Variants in MED12L observed in about 807,000 individuals in gnomAD.
The protein encoded by MED12L is mediator complex subunit 12L, also known as mediator of RNA polymerase II transcription subunit 12-like protein.
A neutral mutation model predicts 281.3 loss-of-function variants in MED12L; 60 were observed. The ratio of observed to expected loss-of-function variants is 0.21; its 90% CI spans 0.17 to 0.26. The LOEUF (loss-of-function observed/expected upper bound fraction) is 0.26, where lower values mean the gene tolerates loss of function less well. Among genes scored for constraint, MED12L ranks in the 10% least tolerant of loss-of-function variants. The probability of loss-of-function intolerance (pLI) is 1.00; values close to 1 mark genes in which losing one functional copy is unlikely to be tolerated. For synonymous variants in MED12L, 974 were observed against 987.2 expected, an observed-to-expected ratio of 0.99 and a Z score of 0.25; for missense variants, 2,146 against 2,680.9, an observed-to-expected ratio of 0.80 and a Z score of 4.41.
chr3:151,165,023 T>C (rs1720515144), intron 9 of MED12L, among the ~76,000 whole-genome samples: 1 of 56,264 alleles, frequency 1.8e-5, no homozygotes, highest in Non-Finnish European at 3.6e-5. Context: ...TAAAATCATA[T>C]TCATCCATTA....
intron 25 of MED12L, 96 bp downstream of exon 25, chr3:151,368,347 TA>T (rs1002843534): frequency 9.2e-7 from 1 of 1,088,666 alleles, no homozygotes; most frequent in African/African-American, 1.6e-5. Flanking sequence ...ATTGCCTTCT[TA>T]ATTTTTTGGG....
chr3:151,423,260 T>C (rs1283241475), intron 43 of MED12L, among the ~76,000 whole-genome samples: 1 of 151,992 alleles, frequency 6.6e-6, no homozygotes, highest in Non-Finnish European at 1.5e-5. Flanking sequence ...ATTTTGTTCA[T>C]CTCTTTGCTC....
intron 16 of MED12L, chr3:151,211,996 T>G (rs1413004819): frequency 6.6e-6 from 1 of 152,220 alleles, no homozygotes; most frequent in Non-Finnish European, 1.5e-5. Flanking sequence ...TTGAATTCTC[T>G]ATGTAACTGT....
intron 39 of MED12L, among the ~76,000 whole-genome samples, chr3:151,407,023 A>G (rs573387226): frequency 9.9e-5 from 15 of 152,198 alleles, no homozygotes; most frequent in African/African-American, 3.4e-4. Context: ...CTGGTCTCGA[A>G]CTGCTGGGCT....
At chr3:151,377,640 C>T (rs1420598305) in intron 30 of MED12L, among the ~76,000 whole-genome samples, 1 of 152,000 alleles carries the variant, frequency 6.6e-6, no homozygotes, top group East Asian at 1.9e-4. Flanking sequence ...GAATTTTAAA[C>T]CTTAAAAATT....
chr3:151,353,720 T>G (rs1753534879), intron 17 of MED12L, among the ~76,000 whole-genome samples: 1 of 152,260 alleles, frequency 6.6e-6, no homozygotes, highest in Non-Finnish European at 1.5e-5. Context: ...AGTGAAATCT[T>G]GTTCATTTCT....
chr3:151,423,435 T>A (rs1425539843), intron 43 of MED12L, among the ~76,000 whole-genome samples: 1 of 152,090 alleles, frequency 6.6e-6, no homozygotes, highest in Non-Finnish European at 1.5e-5. Context: ...AGTTTTTCTG[T>A]GAAAAGAGCA....
intron 16 of MED12L, among the ~76,000 whole-genome samples, chr3:151,291,459 G>A (rs1056980242): frequency 6.6e-5 from 10 of 152,228 alleles, no homozygotes; most frequent in African/African-American, 2.4e-4. Flanking sequence ...TTCTCTGAAT[G>A]TCAGTTTTAT....
At chr3:151,356,993 C>T (rs1437423826) in intron 19 of MED12L, among the ~76,000 whole-genome samples, 1 of 152,058 alleles carries the variant, frequency 6.6e-6, no homozygotes, top group Non-Finnish European at 1.5e-5. Flanking sequence ...GTTTCAGTAC[C>T]TTATTTCAGC....
intron 5 of MED12L, among the ~76,000 whole-genome samples, chr3:151,154,490 G>A (rs912514709): frequency 2.6e-5 from 4 of 151,916 alleles, no homozygotes; most frequent in African/African-American, 7.3e-5. Flanking sequence ...TATAATGAAC[G>A]CGTATTTCTC....
intron 16 of MED12L, chr3:151,293,962 AGCCATTAACCCT>A (rs67834444): frequency 0.23 from 125,540 of 542,180 alleles, 15,212 homozygotes; most frequent in South Asian, 0.33. Flanking sequence ...TCAGACTTCC[AGCCATTAACCCT>A]GCCATTCACC....
At chr3:151,398,474 T>C (rs1011634522) in intron 39 of MED12L, among the ~76,000 whole-genome samples, 7 of 152,198 alleles carry the variant, frequency 4.6e-5, no homozygotes, top group Non-Finnish European at 1.0e-4. Context: ...CATGGAATAT[T>C]CTGTCATGGA....
chr3:151,377,146 C>G lies in MED12L; in HGVS notation c.4284C>G (p.Ser1428Arg). 1.2e-6 allele frequency: 2 copies of G among 1,613,582 alleles called. No homozygotes were observed. The highest frequency in any genetic ancestry group is 1.7e-6 in the Non-Finnish European group (2 of 1,179,838). The stretch of plus-strand genomic sequence containing the variant: ...GTATTGGAAGTGCTGATACAAGTAG[C>G]ACGAGACAGAATGGAATAAAGACAT... The part of the protein sequence containing the change: ...PNSIGSADTS[S>R]TRQNGIKTFL... The change falls in exon 30 of 45, where the codon AGC becomes AGG. Residue 1428 changes from serine to arginine, a missense_variant. Physicochemically the swap from Ser to Arg is moderately radical, Grantham distance 110. Transcript: ENST00000687756.
At chr3:151,242,328 GACAA>G (rs1234241572) in intron 16 of MED12L, among the ~76,000 whole-genome samples, 4 of 152,254 alleles carry the variant, frequency 2.6e-5, no homozygotes, top group Non-Finnish European at 4.4e-5. Context: ...GCAGGGCACA[GACAA>G]ACAAAAAGAC....
Position 151,416,418 on chromosome 3 carries a change from C to G in MED12L, c.6404C>G (p.Pro2135Arg). Residue 2135 changes from proline to arginine, a missense_variant, in exon 43 of 45, where the codon CCC becomes CGC. By Grantham distance (103) the Pro-to-Arg change is moderately radical (BLOSUM62 -2). Around this residue, in one of 9 missense-constraint regions of MED12L, gnomAD observed 496 missense variants for 512.0 expected, o/e 0.97. Transcript: ENST00000687756. ...LGLQAMQPQQ[P>R]LFPRQGLQQT... is the part of the protein sequence containing the mutation. ...CTCCAAGCAATGCAGCCCCAGCAGC[C>G]CTTGGTAAGGCCTGTTGTTTTGGAA... The G allele has an allele frequency of 6.2e-7, 1 of 1,613,936 alleles. No homozygotes were observed. The highest frequency in any genetic ancestry group is 1.1e-5 in the South Asian group (1 of 91,056).
At chr3:151,392,411 A>G (rs564210214) in intron 38 of MED12L, among the ~76,000 whole-genome samples, 2 of 148,940 alleles carry the variant, frequency 1.3e-5, no homozygotes, top group East Asian at 4.0e-4. Flanking sequence ...GGTTGCTTGA[A>G]CTGAGATTGC....
intron 11 of MED12L, among the ~76,000 whole-genome samples, chr3:151,184,552 C>T (rs953867416): frequency 1.3e-5 from 2 of 152,168 alleles, no homozygotes; most frequent in Admixed American, 6.5e-5. Flanking sequence ...ACAGATCACA[C>T]GGAAGTACCA....
At chr3:151,138,344 A>G (rs532537367) in intron 5 of MED12L, among the ~76,000 whole-genome samples, 8 of 151,222 alleles carry the variant, frequency 5.3e-5, no homozygotes, top group Non-Finnish European at 1.0e-4. Flanking sequence ...AATTGAGAAG[A>G]TAGTACAGAG....
intron 16 of MED12L, among the ~76,000 whole-genome samples, chr3:151,292,731 C>T (rs1744431952): frequency 6.6e-6 from 1 of 151,988 alleles, no homozygotes; most frequent in South Asian, 2.1e-4. Flanking sequence ...CGCCACCACG[C>T]CCGGCTGATT....
Sources: gnomAD v4.1 joint callset for allele counts (sites outside exome capture counted in the v4.1 genomes callset) on GRCh38, gnomAD v4.1.1 for gene constraint, gnomAD v4.1.1 regional missense constraint, MANE v1.5 for transcripts, NCBI Gene and HGNC (gene_info 2026-07-23, HGNC 2026-07-21) for gene names.